Variants in PHF24 observed in about 807,000 individuals in gnomAD.
The protein encoded by PHF24 is Galpha inhibitory interacting protein.
In PHF24, 25 loss-of-function variants were observed where a neutral mutation model predicts 42.6. The observed-to-expected ratio is 0.59, with a 90% CI of 0.43 to 0.82. The LOEUF (loss-of-function observed/expected upper bound fraction) is 0.82. Ranked by LOEUF, PHF24 falls within the 40% of genes least tolerant of loss-of-function variation. PHF24 has a pLI of 0.00. For synonymous variants in PHF24, 185 were observed against 204.8 expected, an observed-to-expected ratio of 0.90 and a Z score of 0.83; for missense variants, 470 against 538.1, an observed-to-expected ratio of 0.87 and a Z score of 1.25.
At chr9:34,935,280 TGTG>T in the PHF24 span, among the ~76,000 whole-genome samples, 1 of 152,148 alleles carries the variant, frequency 6.6e-6, no homozygotes, top group South Asian at 2.1e-4. Context: ...GTCTAATTGA[TGTG>T]GTGGGTTCAA....
the PHF24 span, among the ~76,000 whole-genome samples, chr9:34,933,331 T>C: frequency 6.6e-6 from 1 of 152,236 alleles, no homozygotes; most frequent in Non-Finnish European, 1.5e-5. Flanking sequence ...CTAATATTTA[T>C]TAAGCATTTA....
chr9:34,853,581 C>A, the PHF24 span, among the ~76,000 whole-genome samples: 3 of 152,036 alleles, frequency 2.0e-5, no homozygotes, highest in Admixed American at 6.5e-5. Context: ...GTAATCCCAG[C>A]ACTTTGGGAG....
the PHF24 span, chr9:34,708,993 G>T: frequency 4.1e-5 from 8 of 197,072 alleles, no homozygotes; most frequent in Non-Finnish European, 8.1e-5. Context: ...ATAAACACAT[G>T]GGAACAGGTA....
chr9:34,716,598 TG>T, the PHF24 span, among the ~76,000 whole-genome samples: 1 of 142,066 alleles, frequency 7.0e-6, no homozygotes. Flanking sequence ...TGTTTTGTTT[TG>T]TTTTGTTGAG....
the PHF24 span, among the ~76,000 whole-genome samples, chr9:34,926,235 G>A: frequency 6.6e-6 from 1 of 152,202 alleles, no homozygotes; most frequent in South Asian, 2.1e-4. The surrounding 1 kb of genome is among the most constrained non-coding windows in gnomAD (Gnocchi z 4.3). Flanking sequence ...GGGCCATGGG[G>A]CTATTACTCT....
chr9:34,702,828 A>G, the PHF24 span, among the ~76,000 whole-genome samples: 1 of 152,236 alleles, frequency 6.6e-6, no homozygotes, highest in Non-Finnish European at 1.5e-5. Context: ...AATTACAAAT[A>G]TAGGCGTTAG....
At chr9:34,945,506 A>G in the PHF24 span, among the ~76,000 whole-genome samples, 1 of 152,194 alleles carries the variant, frequency 6.6e-6, no homozygotes, top group African/African-American at 2.4e-5. Flanking sequence ...TATGGTATGA[A>G]TGTCCCTTCC....
the PHF24 span, among the ~76,000 whole-genome samples, chr9:34,792,820 A>T: frequency 0.016 from 2,410 of 152,294 alleles, 54 homozygotes; most frequent in East Asian, 0.091. Flanking sequence ...TGCTTTGGAA[A>T]ATCTAGCAAG....
At chr9:34,982,096 C>T (rs1827412750) in exon 8 of PHF24, 1 of 152,186 alleles carries the variant, frequency 6.6e-6, no homozygotes, top group Non-Finnish European at 1.5e-5. Context: ...GGGGTCAGCT[C>T]TGGTCTGGGC....
the PHF24 span, chr9:34,922,740 A>G: frequency 6.3e-7 from 1 of 1,586,182 alleles, no homozygotes; most frequent in East Asian, 2.2e-5. Flanking sequence ...ACTTGAGACG[A>G]TGCTCCAAGA....
At chr9:34,709,261 A>G in the PHF24 span, 1 of 1,085,302 alleles carries the variant, frequency 9.2e-7, no homozygotes, top group Non-Finnish European at 1.4e-6. Flanking sequence ...AGCAGGAGAA[A>G]GAGTGTGGCA....
At chr9:34,909,872 C>T in the PHF24 span, among the ~76,000 whole-genome samples, 1 of 152,146 alleles carries the variant, frequency 6.6e-6, no homozygotes, top group Admixed American at 6.5e-5. Flanking sequence ...CGTGATCTGC[C>T]CGCCTTAGCC....
chr9:34,788,119 C>T, the PHF24 span, among the ~76,000 whole-genome samples: 2 of 152,114 alleles, frequency 1.3e-5, no homozygotes, highest in Non-Finnish European at 2.9e-5. Context: ...CTCACTGCAG[C>T]CTTGGTTTCC....
chr9:34,834,234 C>A, the PHF24 span: 1 of 1,547,232 alleles, frequency 6.5e-7, no homozygotes, highest in African/African-American at 1.4e-5. Flanking sequence ...GGGATCTTGC[C>A]CTGGTGGATT....
chr9:34,843,619 G>A, the PHF24 span, among the ~76,000 whole-genome samples: 10 of 152,140 alleles, frequency 6.6e-5, no homozygotes, highest in South Asian at 2.1e-3. Context: ...ATTGGGATTG[G>A]GTTGAATGTT....
chr9:34,928,437 A>G, the PHF24 span, among the ~76,000 whole-genome samples: 1 of 152,116 alleles, frequency 6.6e-6, no homozygotes, highest in East Asian at 1.9e-4. Flanking sequence ...ATATACACCT[A>G]TATACCCACA....
the PHF24 span, among the ~76,000 whole-genome samples, chr9:34,848,457 C>A: frequency 6.6e-6 from 1 of 152,028 alleles, no homozygotes; most frequent in Admixed American, 6.5e-5. Flanking sequence ...TCCCCTTTAT[C>A]ATTTTTTATT....
chr9:34,778,632 A>G, the PHF24 span, among the ~76,000 whole-genome samples: 1 of 152,246 alleles, frequency 6.6e-6, no homozygotes, highest in Non-Finnish European at 1.5e-5. Flanking sequence ...AAAAACTAAC[A>G]GAACTGAAGG....
chr9:34,680,754 TAATA>T, the PHF24 span, among the ~76,000 whole-genome samples: 1 of 151,490 alleles, frequency 6.6e-6, no homozygotes, highest in Non-Finnish European at 1.5e-5. Flanking sequence ...AAGAAGAGAA[TAATA>T]AATGTCAGCT....
Sources: allele counts gnomAD v4.1 joint callset (sites outside exome capture counted in the v4.1 genomes callset), GRCh38; gene constraint gnomAD v4.1.1; non-coding constraint Gnocchi (gnomAD v3.1); transcripts MANE v1.5; gene names NCBI Gene and HGNC (gene_info 2026-07-23, HGNC 2026-07-21).